Variants in DAB1 observed in about 807,000 individuals in gnomAD.
DAB1 encodes DAB adaptor protein 1.
In DAB1, 15 loss-of-function variants were observed where a neutral mutation model predicts 64.6. That is an observed-to-expected ratio of 0.23 (90% confidence interval 0.16 to 0.36). The LOEUF is 0.36. Among genes scored for constraint, DAB1 ranks in the 10% least tolerant of loss-of-function variants. The pLI is 1.00. For missense variants in DAB1, 596 were observed against 706.7 expected, an observed-to-expected ratio of 0.84 and a Z score of 1.78; for synonymous variants, 235 against 251.9, an observed-to-expected ratio of 0.93 and a Z score of 0.64.
At position 57,126,707 on chromosome 1, in the gene DAB1, C is replaced by T. The variant is rs183871927; in HGVS notation, c.306+9836G>A. Reference sequence around the variant, plus strand: ...GTTTTCCTCATTGCAGTTCAATATGCATACTTCTAACAAGTAACTCTTCAA... The same window carrying T: ...GTTTTCCTCATTGCAGTTCAATATGTATACTTCTAACAAGTAACTCTTCAA... On this transcript the variant is annotated intron_variant, in intron 4 of 14. Coordinates refer to ENST00000371236, the MANE Select transcript of DAB1 (RefSeq NM_001365792.1). 2.4e-3 allele frequency among the ~76,000 whole-genome samples: 360 copies of T among 152,272 alleles called. 4 individuals are homozygous for T. The highest frequency in any genetic ancestry group is 7.6e-3 in the African/African-American group (316 of 41,540).
intron 6 of DAB1, among the ~76,000 whole-genome samples, chr1:57,656,693 C>T (rs1039383906): frequency 6.6e-6 from 1 of 152,164 alleles, no homozygotes; most frequent in Non-Finnish European, 1.5e-5. Context: ...TGCTATCTTT[C>T]CAATCACAGA....
At position 57,343,307 on chromosome 1, in the gene DAB1, C is replaced by T. The variant is rs550898970; in HGVS notation, c.-136-52141G>A. 5.9e-5 allele frequency among the ~76,000 whole-genome samples: 9 copies of T among 152,246 alleles called. No individual in the cohort carries two copies. The South Asian group carries it at 1.7e-3, about 28-fold the overall frequency. The stretch of plus-strand genomic sequence containing the variant: ...AAACCTTGAGCTAGATATAGAGCGC[C>T]GATTGGTATATTTACAATCCCTTAG... On this transcript the variant is annotated intron_variant, in intron 1 of 14. Coordinates refer to ENST00000371236, the MANE Select transcript of DAB1 (RefSeq NM_001365792.1).
chr1:58,300,602 A>AAGAAAG (rs1662114338), intron 4 of DAB1, among the ~76,000 whole-genome samples: 3 of 39,292 alleles, frequency 7.6e-5, no homozygotes, highest in African/African-American at 2.5e-4. Flanking sequence ...GAAAGAAAGA[A>AAGAAAG]AGAAAGAAAG....
chr1:58,422,533 CT>C (rs1644781856), intron 3 of DAB1, among the ~76,000 whole-genome samples: 1 of 151,886 alleles, frequency 6.6e-6, no homozygotes, highest in African/African-American at 2.4e-5. Flanking sequence ...AAGCCACCAG[CT>C]GTAATCCACC....
At chr1:57,802,589 C>T (rs377201024) in intron 6 of DAB1, among the ~76,000 whole-genome samples, 6 of 152,098 alleles carry the variant, frequency 3.9e-5, no homozygotes, top group Non-Finnish European at 8.8e-5. Flanking sequence ...GGAGGTGGGG[C>T]CTGGTAGGAG....
intron 7 of DAB1, among the ~76,000 whole-genome samples, chr1:57,508,106 A>G (rs1001257308): frequency 3.3e-5 from 5 of 152,168 alleles, no homozygotes; most frequent in Non-Finnish European, 5.9e-5. Context: ...TTACAGTCTG[A>G]TCCTTCATTA....
chr1:57,316,232 T>C (rs1675196844), intron 1 of DAB1, among the ~76,000 whole-genome samples: 1 of 152,226 alleles, frequency 6.6e-6, no homozygotes, highest in South Asian at 2.1e-4. Flanking sequence ...TCCAATTTAC[T>C]GTGTATTATT....
intron 3 of DAB1, among the ~76,000 whole-genome samples, chr1:58,409,601 G>C (rs184498917): frequency 4.6e-5 from 7 of 152,354 alleles, no homozygotes; most frequent in African/African-American, 1.7e-4. Context: ...ATATTACACT[G>C]ATGACTTCTA....
chr1:57,586,098 G>A, intron 7 of DAB1, among the ~76,000 whole-genome samples: 1 of 152,122 alleles, frequency 6.6e-6, no homozygotes, highest in East Asian at 1.9e-4. Context: ...ACATTTGGGA[G>A]TTTATGATCT....
intron 4 of DAB1, among the ~76,000 whole-genome samples, chr1:57,132,068 A>G (rs960325827): frequency 6.6e-6 from 1 of 152,020 alleles, no homozygotes; most frequent in South Asian, 2.1e-4. Flanking sequence ...TTACTTAATT[A>G]TCTGGTCCTC....
At chr1:58,395,467 A>G (rs1644513474) in intron 3 of DAB1, among the ~76,000 whole-genome samples, 2 of 152,188 alleles carry the variant, frequency 1.3e-5, no homozygotes, top group South Asian at 4.1e-4. Flanking sequence ...TTAACTTTCT[A>G]TGATACCATA....
intron 2 of DAB1, among the ~76,000 whole-genome samples, chr1:58,512,432 C>G (rs1384196914): frequency 6.6e-6 from 1 of 152,126 alleles, no homozygotes; most frequent in Non-Finnish European, 1.5e-5. Context: ...ATCAGGATCT[C>G]AAAGGGATTT....
At chr1:58,473,344 C>T (rs1490106063) in intron 3 of DAB1, among the ~76,000 whole-genome samples, 1 of 151,694 alleles carries the variant, frequency 6.6e-6, no homozygotes. Flanking sequence ...AGATCGAGAC[C>T]ATCCTGGCTA....
intron 2 of DAB1, among the ~76,000 whole-genome samples, chr1:57,149,066 T>C (rs1353624761): frequency 6.6e-6 from 1 of 152,232 alleles, no homozygotes; most frequent in Non-Finnish European, 1.5e-5. Context: ...TACATTTGCC[T>C]ATTCTAGACA....
At chr1:57,337,999 T>C (rs1481125701) in intron 1 of DAB1, among the ~76,000 whole-genome samples, 1 of 151,672 alleles carries the variant, frequency 6.6e-6, no homozygotes, top group Non-Finnish European at 1.5e-5. Context: ...TTCTTCTTCT[T>C]CTGAGACAAG....
chr1:57,286,757 G>A (rs1399441523), intron 2 of DAB1, among the ~76,000 whole-genome samples: 1 of 151,994 alleles, frequency 6.6e-6, no homozygotes, highest in Non-Finnish European at 1.5e-5. Flanking sequence ...CCAGACACAA[G>A]GTTTGTCCCA....
At chr1:57,119,288 T>G (rs967797471) in intron 4 of DAB1, among the ~76,000 whole-genome samples, 1 of 152,208 alleles carries the variant, frequency 6.6e-6, no homozygotes. Flanking sequence ...AAAATAATTA[T>G]ACTTGAAAGT....
intron 6 of DAB1, among the ~76,000 whole-genome samples, chr1:57,656,089 C>A (rs1646315476): frequency 6.6e-6 from 1 of 152,166 alleles, no homozygotes; most frequent in Non-Finnish European, 1.5e-5. Flanking sequence ...CAAGGTACTA[C>A]AGAGAGTTCT....
chr1:57,221,189 T>C (rs1049778990), intron 2 of DAB1, among the ~76,000 whole-genome samples: 4 of 151,628 alleles, frequency 2.6e-5, no homozygotes, highest in East Asian at 1.9e-4. Flanking sequence ...TAGGTGGGAA[T>C]TGAACAGTGA....
Sources: gnomAD v4.1 joint callset for allele counts (sites outside exome capture counted in the v4.1 genomes callset) on GRCh38, gnomAD v4.1.1 for gene constraint, MANE v1.5 for transcripts, NCBI Gene and HGNC (gene_info 2026-07-23, HGNC 2026-07-21) for gene names.